The following ARHGAP39 variants were observed in gnomAD, a reference collection of about 807,000 sequenced individuals.
The protein encoded by ARHGAP39 is rho GTPase-activating protein 39.
ARHGAP39 carries 44 observed loss-of-function variants against 106.9 expected under a neutral mutation model. The observed-to-expected ratio is 0.41, with a 90% CI of 0.32 to 0.53. The LOEUF (loss-of-function observed/expected upper bound fraction) is 0.53. Ranked by LOEUF, ARHGAP39 falls within the 20% of genes least tolerant of loss-of-function variation. The probability of loss-of-function intolerance (pLI) is 0.21; values close to 1 mark genes in which losing one functional copy is unlikely to be tolerated. For missense variants in ARHGAP39, 1,496 were observed against 1,577.3 expected, an observed-to-expected ratio of 0.95 and a Z score of 0.87; for synonymous variants, 768 against 693.2, an observed-to-expected ratio of 1.11 and a Z score of -1.69.
At chr8:144,575,844 A>G (rs1230579745) in intron 3 of ARHGAP39, among the ~76,000 whole-genome samples, 1 of 152,196 alleles carries the variant, frequency 6.6e-6, no homozygotes, top group African/African-American at 2.4e-5. Context: ...CGCCAGCATC[A>G]CCACAGACTT....
At chr8:144,681,493 A>G (rs1469341526) in intron 1 of ARHGAP39, among the ~76,000 whole-genome samples, 1 of 152,228 alleles carries the variant, frequency 6.6e-6, no homozygotes, top group Non-Finnish European at 1.5e-5. Context: ...GAAGAGGCAC[A>G]GCAGAGGGGC....
At chr8:144,570,128 G>A (rs891061198) in intron 3 of ARHGAP39, among the ~76,000 whole-genome samples, 1 of 152,222 alleles carries the variant, frequency 6.6e-6, no homozygotes, top group Non-Finnish European at 1.5e-5. Flanking sequence ...GGCTGAGGCA[G>A]GAGAATTACT....
intron 3 of ARHGAP39, among the ~76,000 whole-genome samples, 199 bp downstream of exon 3, chr8:144,580,647 T>A (rs111314263): frequency 0.027 from 3,633 of 133,106 alleles, 163 homozygotes; most frequent in African/African-American, 0.099. Context: ...CCGTCACCAG[T>A]CCCGCTCTCA....
At chr8:144,628,620 A>G (rs970092896) in intron 1 of ARHGAP39, among the ~76,000 whole-genome samples, 1 of 152,186 alleles carries the variant, frequency 6.6e-6, no homozygotes, top group Non-Finnish European at 1.5e-5. Flanking sequence ...ACAAAACAAG[A>G]TCACCGATCT....
chr8:144,663,306 C>T (rs1290978357), intron 1 of ARHGAP39, among the ~76,000 whole-genome samples: 3 of 152,120 alleles, frequency 2.0e-5, no homozygotes, highest in African/African-American at 4.8e-5. Flanking sequence ...AAGCACAGCA[C>T]CAGCGTCTGC....
chr8:144,622,411 G>A (rs906138525), intron 1 of ARHGAP39, among the ~76,000 whole-genome samples: 1 of 151,970 alleles, frequency 6.6e-6, no homozygotes, highest in African/African-American at 2.4e-5. Context: ...CAAGTCCAAG[G>A]CTAAACCACA....
intron 4 of ARHGAP39, 21 bp downstream of exon 4, chr8:144,555,539 C>A (rs751458654): frequency 6.2e-7 from 1 of 1,609,586 alleles, no homozygotes; most frequent in Non-Finnish European, 8.5e-7. Context: ...CAAACGGCCA[C>A]GCCTGAGAGA....
intron 1 of ARHGAP39, among the ~76,000 whole-genome samples, chr8:144,662,717 TA>T: frequency 7.0e-6 from 1 of 142,740 alleles, no homozygotes; most frequent in African/African-American, 2.7e-5. Context: ...CTTGGGCCAT[TA>T]CCCGCCTCCC....
At chr8:144,698,890 G>A in the ARHGAP39 span, 8 of 455,748 alleles carry the variant, frequency 1.8e-5, no homozygotes, top group African/African-American at 1.0e-4. Context: ...CCCTCCCTTG[G>A]GGGGGTTGGG....
At chr8:144,534,033 G>T (rs1667064675) in intron 8 of ARHGAP39, 96 bp downstream of exon 8, 3 of 1,405,786 alleles carry the variant, frequency 2.1e-6, no homozygotes, top group African/African-American at 1.4e-5. Flanking sequence ...CTGCGCTGCT[G>T]CCCCATACCA....
intron 3 of ARHGAP39, among the ~76,000 whole-genome samples, chr8:144,572,950 T>A (rs1452567456): frequency 6.6e-6 from 1 of 152,150 alleles, no homozygotes; most frequent in Non-Finnish European, 1.5e-5. Context: ...AGAATGGCGA[T>A]CATTAAAAAG....
chr8:144,560,443 A>G (rs960103939), intron 3 of ARHGAP39, among the ~76,000 whole-genome samples: 1 of 152,266 alleles, frequency 6.6e-6, no homozygotes, highest in African/African-American at 2.4e-5. Context: ...TCAAAAAAAC[A>G]AAACAAAATA....
rs1391066281 is a variant in ARHGAP39, at chr8:144,547,733, C to T, written c.1353G>A (p.Met451Ile). Residue 451 changes from methionine (M) to isoleucine (I), a missense_variant, in exon 5 of 12, where the codon ATG becomes ATA. Coordinates refer to ENST00000377307, the MANE Select transcript of ARHGAP39 (RefSeq NM_025251.3). The surrounding 1 kb of genome is among the most constrained non-coding windows in gnomAD (Gnocchi z 5.2). ...LGVKSGDYST[M>I]EGPELRHSQP... ...GGCTGTGCCGCAGCTCAGGTCCCTC[C>T]ATGGTGCTGTAGTCTCCGGACTTGA... The T allele has an allele frequency of 7.5e-6, 12 of 1,596,994 alleles. No homozygotes were observed. Among genetic ancestry groups the T allele is most frequent in the Non-Finnish European group, 1.0e-5 (12 of 1,177,186 alleles).
In ARHGAP39 at chr8:144,645,119, A is replaced by G. The variant is rs1378938687; in HGVS notation, c.-81-39424T>C. Among the ~76,000 whole-genome samples, 2 of 152,212 alleles carry G rather than the reference A, an allele frequency of 1.3e-5. No homozygotes were observed. Among genetic ancestry groups the G allele is most frequent in the Non-Finnish European group, 2.9e-5 (2 of 68,038 alleles). On this transcript the variant is annotated intron_variant, in intron 1 of 11. Coordinates refer to ENST00000377307, the MANE Select transcript of ARHGAP39 (RefSeq NM_025251.3). The surrounding 1 kb of genome is among the most constrained non-coding windows in gnomAD (Gnocchi z 4.4). ...ACAGTTAAACTGCAACTCTCTAACA[A>G]GAAGTGGGTCCTAAGCCTGGCTCTG...
intron 4 of ARHGAP39, among the ~76,000 whole-genome samples, chr8:144,550,428 C>T (rs768200356): frequency 9.9e-5 from 15 of 152,178 alleles, no homozygotes; most frequent in South Asian, 2.1e-4. Context: ...AGTGAGACCC[C>T]ATCTCTAAAA....
In ARHGAP39 at chr8:144,604,093, G is replaced by A. The variant is rs1322386943; in HGVS notation, c.80+1442C>T. Among the ~76,000 whole-genome samples, 1 of 152,188 alleles carries A rather than the reference G, an allele frequency of 6.6e-6. No individual in the cohort carries two copies. Among genetic ancestry groups the A allele is most frequent in the Non-Finnish European group, 1.5e-5 (1 of 68,034 alleles). ...CTCAGGTCAAGGCAGAGTGCGGATC[G>A]CAACTGTGGAAGGTGCACAGAGTCC... On this transcript the variant is annotated intron_variant, in intron 2 of 11. Transcript: ENST00000377307. The surrounding 1 kb of genome is among the most constrained non-coding windows in gnomAD (Gnocchi z 4.1).
At chr8:144,668,002 T>C (rs1822006976) in intron 1 of ARHGAP39, among the ~76,000 whole-genome samples, 1 of 151,048 alleles carries the variant, frequency 6.6e-6, no homozygotes, top group Admixed American at 6.6e-5. Flanking sequence ...ATGTGCTTCA[T>C]GGAATTGTGT....
intron 3 of ARHGAP39, among the ~76,000 whole-genome samples, chr8:144,573,427 CG>C (rs1818654180): frequency 9.1e-6 from 1 of 110,200 alleles, no homozygotes; most frequent in Non-Finnish European, 1.7e-5. Flanking sequence ...GGACACAGGG[CG>C]GGGAACATCA....
intron 1 of ARHGAP39, among the ~76,000 whole-genome samples, chr8:144,657,376 C>T (rs2129670677): frequency 6.6e-6 from 1 of 152,328 alleles, no homozygotes; most frequent in South Asian, 2.1e-4. Context: ...AGGAGGATAG[C>T]TTGAGCCCAA....
Sources: gnomAD v4.1 joint callset for allele counts (sites outside exome capture counted in the v4.1 genomes callset) on GRCh38, gnomAD v4.1.1 for gene constraint, Gnocchi (gnomAD v3.1) non-coding constraint, MANE v1.5 for transcripts, NCBI Gene and HGNC (gene_info 2026-07-23, HGNC 2026-07-21) for gene names.